The following SHISA9 variants were observed in gnomAD, a reference collection of about 807,000 sequenced individuals.
SHISA9 encodes protein shisa-9.
In SHISA9, 13 loss-of-function variants were observed where a neutral mutation model predicts 38.0. The ratio of observed to expected loss-of-function variants is 0.34; its 90% CI spans 0.22 to 0.54. The LOEUF (loss-of-function observed/expected upper bound fraction) is 0.54, where lower values mean the gene tolerates loss of function less well. Ranked by LOEUF, SHISA9 falls within the 20% of genes least tolerant of loss-of-function variation. The probability of loss-of-function intolerance (pLI) is 0.91; values close to 1 mark genes in which losing one functional copy is unlikely to be tolerated. For synonymous variants in SHISA9, 275 were observed against 242.0 expected (o/e 1.14, Z -1.27); for missense variants, 538 against 575.8 (o/e 0.93, Z 0.67).
chr16:13,193,014 G>C (rs2050901907), intron 2 of SHISA9, among the ~76,000 whole-genome samples: 1 of 152,192 alleles, frequency 6.6e-6, no homozygotes, highest in Admixed American at 6.5e-5. Flanking sequence ...CTGGCCAGCA[G>C]TTTTCTCATC....
At chr16:13,308,993 G>T in the SHISA9 span, among the ~76,000 whole-genome samples, 11 of 152,298 alleles carry the variant, frequency 7.2e-5, no homozygotes, top group African/African-American at 2.4e-4. Context: ...TAAAAGATAA[G>T]AGTTTCTCTA....
intron 2 of SHISA9, among the ~76,000 whole-genome samples, chr16:13,187,598 G>A (rs1225671178): frequency 6.6e-6 from 1 of 152,046 alleles, no homozygotes; most frequent in African/African-American, 2.4e-5. Flanking sequence ...GCCTCCCAAA[G>A]TGCTGGGATT....
intron 2 of SHISA9, among the ~76,000 whole-genome samples, chr16:12,930,838 G>C (rs1482735240): frequency 6.6e-6 from 1 of 152,070 alleles, no homozygotes; most frequent in African/African-American, 2.4e-5. Flanking sequence ...GAGAGGAAGT[G>C]ATAGGTACAA....
At chr16:12,994,336 G>A (rs1359820925) in intron 2 of SHISA9, among the ~76,000 whole-genome samples, 1 of 152,208 alleles carries the variant, frequency 6.6e-6, no homozygotes, top group African/African-American at 2.4e-5. Context: ...TCATTGTTCA[G>A]TGACATTGAA....
chr16:13,300,968 C>G, the SHISA9 span, among the ~76,000 whole-genome samples: 2 of 151,808 alleles, frequency 1.3e-5, no homozygotes, highest in African/African-American at 4.8e-5. Context: ...CTCTCTTTCA[C>G]TCTCCTGTGA....
At chr16:13,431,835 C>T in the SHISA9 span, among the ~76,000 whole-genome samples, 2 of 151,996 alleles carry the variant, frequency 1.3e-5, no homozygotes, top group Admixed American at 6.6e-5. Context: ...CTGAGGCGGG[C>T]GGATCACCTG....
chr16:13,520,560 G>A, the SHISA9 span, among the ~76,000 whole-genome samples: 76 of 131,612 alleles, frequency 5.8e-4, no homozygotes, highest in African/African-American at 2.1e-3. Context: ...CTGAGATGGC[G>A]CCATTGCACT....
chr16:13,390,290 C>CTCTGCAT, the SHISA9 span, among the ~76,000 whole-genome samples: 1 of 152,128 alleles, frequency 6.6e-6, no homozygotes, highest in East Asian at 1.9e-4. Flanking sequence ...TGCATTTCAT[C>CTCTGCAT]TAATCTCTGA....
the SHISA9 span, among the ~76,000 whole-genome samples, chr16:13,384,183 A>G: frequency 6.6e-6 from 1 of 152,184 alleles, no homozygotes; most frequent in South Asian, 2.1e-4. Flanking sequence ...TAGGCAAATA[A>G]TAAGTTTCGA....
the SHISA9 span, among the ~76,000 whole-genome samples, chr16:13,438,290 T>C: frequency 6.6e-6 from 1 of 152,188 alleles, no homozygotes; most frequent in African/African-American, 2.4e-5. Context: ...CTGGGAGGTT[T>C]AGACGAGGTT....
chr16:13,260,007 C>CTCTTTTTTTTTTTTTTTT, the SHISA9 span, among the ~76,000 whole-genome samples: 9 of 60,418 alleles, frequency 1.5e-4, no homozygotes, highest in Non-Finnish European at 2.3e-4. Context: ...TTCTTTCTTT[C>CTCTTTTTTTTTTTTTTTT]TTTTTTTTTT....
At chr16:13,063,016 CT>C (rs368453853) in intron 2 of SHISA9, among the ~76,000 whole-genome samples, 2 of 133,492 alleles carry the variant, frequency 1.5e-5, no homozygotes, top group African/African-American at 5.5e-5. Context: ...CTTTTTTTTT[CT>C]TTTTTTTGAG....
rs1009851684 is a variant in SHISA9 at position 13,237,051 on chromosome 16, C to T, written c.*1642C>T. Reference sequence around the variant, plus strand: ...CTAAGGTGGAAGGTTTTTCAACTAGCCCCTAAAGGTCTTTGGTAGTTAATT... The same window carrying T: ...CTAAGGTGGAAGGTTTTTCAACTAGTCCCTAAAGGTCTTTGGTAGTTAATT... On this transcript the variant is annotated 3_prime_UTR_variant, in exon 5 of 5. Transcript: ENST00000558583. 2.0e-5 allele frequency: 3 copies of T among 152,120 alleles called. No individual in the cohort carries two copies. The highest frequency in any genetic ancestry group is 4.4e-5 in the Non-Finnish European group (3 of 68,042). The allele number at this position is 152,120 out of a possible 1,614,324, so 9.4% of individuals were successfully genotyped here. A position where few individuals can be genotyped will look rare whatever the true frequency, so the allele number is the denominator to read the frequency against.
chr16:13,035,536 CTTT>C (rs35776381), intron 2 of SHISA9, among the ~76,000 whole-genome samples: 14 of 148,426 alleles, frequency 9.4e-5, no homozygotes, highest in Admixed American at 1.3e-4. Flanking sequence ...TAATTTTCAG[CTTT>C]TTTTTTTTTG....
At chr16:13,322,440 C>T in the SHISA9 span, among the ~76,000 whole-genome samples, 2 of 152,180 alleles carry the variant, frequency 1.3e-5, no homozygotes, top group African/African-American at 4.8e-5. Flanking sequence ...GAATATGGCT[C>T]CAGGCTCAGA....
the SHISA9 span, among the ~76,000 whole-genome samples, chr16:13,523,225 G>A: frequency 2.6e-5 from 4 of 152,214 alleles, 1 homozygote; most frequent in East Asian, 7.7e-4. Flanking sequence ...TGGCAGGCAT[G>A]TGTAGTCCCA....
At chr16:13,013,529 C>G (rs1307155015) in intron 2 of SHISA9, among the ~76,000 whole-genome samples, 1 of 152,096 alleles carries the variant, frequency 6.6e-6, no homozygotes, top group African/African-American at 2.4e-5. Flanking sequence ...TTGCTCAGCC[C>G]ATGCCCCAGA....
At chr16:13,325,017 T>C in the SHISA9 span, among the ~76,000 whole-genome samples, 2 of 152,130 alleles carry the variant, frequency 1.3e-5, no homozygotes, top group Non-Finnish European at 2.9e-5. Context: ...ATAAGCGGGA[T>C]TGGGGAAGCC....
intron 2 of SHISA9, among the ~76,000 whole-genome samples, chr16:13,195,361 AGTG>A (rs1172413798): frequency 2.0e-5 from 3 of 152,258 alleles, no homozygotes; most frequent in Non-Finnish European, 4.4e-5. Context: ...AACAAAATAA[AGTG>A]GTAGTGGATT....
Sources: gnomAD v4.1 joint callset for allele counts (sites outside exome capture counted in the v4.1 genomes callset) on GRCh38, gnomAD v4.1.1 for gene constraint, MANE v1.5 for transcripts, NCBI Gene and HGNC (gene_info 2026-07-23, HGNC 2026-07-21) for gene names.